The following MORC2 variants were observed in gnomAD, a reference collection of about 807,000 sequenced individuals.
MORC2 encodes MORC family CW-type zinc finger 2.
A neutral mutation model predicts 136.0 loss-of-function variants in MORC2; 30 were observed. The ratio of observed to expected loss-of-function variants is 0.22; its 90% CI spans 0.17 to 0.30. The LOEUF is 0.30. Among genes scored for constraint, MORC2 ranks in the 10% least tolerant of loss-of-function variants. The pLI, the probability that MORC2 is intolerant of heterozygous loss-of-function variation, is 1.00. For missense variants in MORC2, 922 were observed against 1,333.1 expected, an observed-to-expected ratio of 0.69 and a Z score of 4.80; for synonymous variants, 439 against 487.0, an observed-to-expected ratio of 0.90 and a Z score of 1.30.
chr22:30,954,035 C>T (rs1014704839), intron 3 of MORC2, among the ~76,000 whole-genome samples: 1 of 152,160 alleles, frequency 6.6e-6, no homozygotes, highest in Non-Finnish European at 1.5e-5. Context: ...CCAAGCGCAT[C>T]GGCTCAGCCT....
chr22:30,946,292 G>A (rs753572825), intron 6 of MORC2, 49 bp downstream of exon 6: 1 of 1,483,894 alleles, frequency 6.7e-7, no homozygotes, highest in Non-Finnish European at 9.3e-7. Flanking sequence ...CGCCTGGGCA[G>A]ACTCAGGAAA....
At chr22:30,938,869 AATT>A (rs1264600861) in intron 12 of MORC2, among the ~76,000 whole-genome samples, 3 of 152,186 alleles carry the variant, frequency 2.0e-5, no homozygotes, top group Admixed American at 2.0e-4. Context: ...GTGCCCGGCC[AATT>A]ATTATTATTT....
chr22:30,968,110 A>G lies in MORC2; in HGVS notation c.-221T>C. On this transcript the variant is annotated 5_prime_UTR_variant, in exon 1 of 26. Coordinates refer to ENST00000397641, the MANE Select transcript of MORC2 (RefSeq NM_001303256.3). ...AATCTTCTCAATGATTTATGATGTA[A>G]TATTTTGGAAGGAACTATGTCATAA... The G allele has an allele frequency of 3.8e-6, 2 of 525,688 alleles. No homozygotes were observed. The highest frequency in any genetic ancestry group is 3.4e-5 in the Admixed American group (1 of 29,396). 32.6% of individuals were successfully genotyped at this position (525,688 alleles called of 1,614,324 possible).
chr22:30,953,044 T>G (rs979902862), intron 3 of MORC2, among the ~76,000 whole-genome samples: 18 of 152,186 alleles, frequency 1.2e-4, no homozygotes, highest in Non-Finnish European at 2.4e-4. Context: ...AAGATGATAT[T>G]GACAACATCT....
chr22:30,954,273 GAA>G (rs538204260), intron 3 of MORC2, among the ~76,000 whole-genome samples: 1 of 150,868 alleles, frequency 6.6e-6, no homozygotes, highest in Non-Finnish European at 1.5e-5. Flanking sequence ...CAGCCTGGGT[GAA>G]AAAAAAAGAT....
intron 5 of MORC2, among the ~76,000 whole-genome samples, chr22:30,947,766 GCATGCC>G (rs2040839853): frequency 6.6e-6 from 1 of 152,128 alleles, no homozygotes; most frequent in Admixed American, 6.5e-5. Context: ...TTCTGTCAAA[GCATGCC>G]CTTGCCCTAA....
chr22:30,963,162 C>T (rs2041075544), intron 1 of MORC2: 2 of 230,400 alleles, frequency 8.7e-6, no homozygotes, highest in Non-Finnish European at 1.4e-5. Context: ...ATTTTTAGTA[C>T]AGACGGGGTT....
At chr22:30,963,423 T>C (rs1293227518) in intron 1 of MORC2, 4 of 622,262 alleles carry the variant, frequency 6.4e-6, no homozygotes, top group African/African-American at 2.0e-5. Flanking sequence ...TCTTGCTCTG[T>C]TGCCCCGGCT....
chr22:30,958,820 T>A, intron 1 of MORC2, 126 bp from the exon 2 acceptor site: 1 of 795,040 alleles, frequency 1.3e-6, no homozygotes, highest in Non-Finnish European at 2.0e-6. Context: ...TGCATTGTTT[T>A]TATACTACTC....
At position 30,941,742 on chromosome 22, in the gene MORC2, G is replaced by T; in HGVS notation, c.698+149C>A. 9.1e-7 allele frequency: 1 copy of T among 1,094,470 alleles called. No individual in the cohort carries two copies. The highest frequency in any genetic ancestry group is 1.3e-6 in the Non-Finnish European group (1 of 758,980). The allele number at this position is 1,094,470 out of a possible 1,614,324, so 67.8% of individuals were successfully genotyped here. On this transcript the variant is annotated intron_variant, in intron 8 of 25. Coordinates refer to ENST00000397641, the MANE Select transcript of MORC2 (RefSeq NM_001303256.3). This position sits in a 1 kb window ranked among gnomAD's most constrained non-coding sequence, Gnocchi z 4.6. ...CGCCCCTCTCACGTCCTCAGCACAG[G>T]CACCCCACAGGCAACTGAGCTGGCC...
chr22:30,952,394 A>T (rs899125421), intron 3 of MORC2, among the ~76,000 whole-genome samples: 2 of 152,230 alleles, frequency 1.3e-5, no homozygotes, highest in African/African-American at 4.8e-5. Context: ...CTAAGAAGTT[A>T]CTTTCTAGGC....
intron 24 of MORC2, among the ~76,000 whole-genome samples, chr22:30,929,120 C>G (rs972516936): frequency 2.6e-5 from 4 of 152,218 alleles, no homozygotes; most frequent in Non-Finnish European, 5.9e-5. Context: ...CCTTATCCTA[C>G]TAAACCAAGA....
intron 3 of MORC2, among the ~76,000 whole-genome samples, chr22:30,951,611 G>GGCAA (rs1373404914): frequency 6.6e-6 from 1 of 152,164 alleles, no homozygotes; most frequent in Non-Finnish European, 1.5e-5. Flanking sequence ...GTATTACAAG[G>GGCAA]GCAAGCCCAA....
In MORC2 at chr22:30,934,048, T is replaced by TTG; in HGVS notation, c.2325+11_2325+12insCA. Reference sequence around the variant, plus strand: ...AGAGAGAGGCTTTGAGAACCTCACCTCAACCACTCACCTCATTCGAGTCCT... The same window carrying TTG: ...AGAGAGAGGCTTTGAGAACCTCACCTTGCAACCACTCACCTCATTCGAGTCCT... On this transcript the variant is annotated intron_variant, in intron 20 of 25. Transcript: ENST00000397641. This position sits in a 1 kb window ranked among gnomAD's most constrained non-coding sequence, Gnocchi z 4.4. 2.5e-6 allele frequency: 4 copies of TTG among 1,613,970 alleles called. No individual in the cohort carries two copies. Among genetic ancestry groups the TTG allele is most frequent in the Non-Finnish European group, 3.4e-6 (4 of 1,179,942 alleles).
In MORC2 at chr22:30,968,583, C is replaced by A. The variant is rs555063784; in HGVS notation, c.-694G>T. ...ATAAACACCTCACAAATGACCCGCCCACAGCACCTCGGGCAGGCCGCGCCC... is the reference window on the plus strand; with the variant it reads ...ATAAACACCTCACAAATGACCCGCCAACAGCACCTCGGGCAGGCCGCGCCC... On this transcript the variant is annotated 5_prime_UTR_variant, in exon 1 of 26. Coordinates refer to ENST00000397641, the MANE Select transcript of MORC2 (RefSeq NM_001303256.3). 4.3e-4 allele frequency among the ~76,000 whole-genome samples: 65 copies of A among 152,264 alleles called. No individual in the cohort carries two copies. Among genetic ancestry groups the A allele is most frequent in the African/African-American group, 1.5e-3 (64 of 41,564 alleles).
intron 6 of MORC2, among the ~76,000 whole-genome samples, chr22:30,942,585 A>G (rs1285581447): frequency 6.6e-6 from 1 of 152,218 alleles, no homozygotes; most frequent in Non-Finnish European, 1.5e-5. Flanking sequence ...ACCACTAGGG[A>G]AAATATATTT....
At chr22:30,935,223 CCCTT>C (rs756817020) in intron 18 of MORC2, 21 bp downstream of exon 18, 1 of 1,612,288 alleles carries the variant, frequency 6.2e-7, no homozygotes, top group Non-Finnish European at 8.5e-7. Flanking sequence ...TGAGGAAAAG[CCCTT>C]CCCAGGCCCC....
rs372199572 is a variant in MORC2 at position 30,932,648 on chromosome 22, C to G, written c.2644G>C (p.Ala882Pro). 2.5e-6 allele frequency: 4 copies of G among 1,614,196 alleles called. No individual in the cohort carries two copies. The highest frequency in any genetic ancestry group is 3.4e-6 in the Non-Finnish European group (4 of 1,180,034). ...TCGGAAGTGGAGGGCTCTGCGACAG[C>G]TATGGCCTGCTGGGCCACAGGGCCC... ...EVGPVAQQAIAVAEPSTSECL... is the reference protein window; with the variant it reads ...EVGPVAQQAIPVAEPSTSECL... The change falls in exon 23 of 26, where the codon GCT (alanine) becomes CCT (proline). Residue 882 changes from alanine (A) to proline (P), a missense_variant. Physicochemically the swap from Ala to Pro is conservative, Grantham distance 27. Around this residue, in one of 9 missense-constraint regions of MORC2, gnomAD observed 263 missense variants for 388.3 expected, o/e 0.68. Transcript: ENST00000397641. This position sits in a 1 kb window ranked among gnomAD's most constrained non-coding sequence, Gnocchi z 4.4.
At chr22:30,953,975 T>G (rs1602504541) in intron 3 of MORC2, among the ~76,000 whole-genome samples, 2 of 152,074 alleles carry the variant, frequency 1.3e-5, no homozygotes, top group African/African-American at 4.8e-5. Flanking sequence ...GAAAATACTT[T>G]CCCCCATGAA....
Sources: allele counts gnomAD v4.1 joint callset (sites outside exome capture counted in the v4.1 genomes callset), GRCh38; gene constraint gnomAD v4.1.1; regional missense constraint gnomAD v4.1.1; non-coding constraint Gnocchi (gnomAD v3.1); transcripts MANE v1.5; gene names NCBI Gene and HGNC (gene_info 2026-07-23, HGNC 2026-07-21).